Variants in C12orf42 observed in about 807,000 individuals in gnomAD.
The protein encoded by C12orf42 is uncharacterized protein C12orf42.
Under a neutral mutation model 21.6 loss-of-function variants are expected in C12orf42, and 25 were observed. The observed-to-expected ratio is 1.16, with a 90% CI of 0.84 to 1.62. C12orf42 has a LOEUF of 1.62. Among genes scored for constraint, C12orf42 ranks in the 40% most tolerant of loss-of-function variants. The pLI, the probability that C12orf42 is intolerant of heterozygous loss-of-function variation, is 0.00. For synonymous variants in C12orf42, 174 were observed against 175.0 expected (o/e 0.99, Z 0.05); for missense variants, 483 against 459.3 (o/e 1.05, Z -0.47).
the C12orf42 span, among the ~76,000 whole-genome samples, chr12:103,114,088 A>G: frequency 1.8e-4 from 27 of 152,226 alleles, 1 homozygote; most frequent in Admixed American, 4.6e-4. Flanking sequence ...CTAAAAACTA[A>G]CAAACAACCT....
the C12orf42 span, among the ~76,000 whole-genome samples, chr12:103,193,044 C>A: frequency 6.6e-6 from 1 of 152,054 alleles, no homozygotes; most frequent in African/African-American, 2.4e-5. Flanking sequence ...CCATAAGTAT[C>A]TTTCCCAACC....
intron 4 of C12orf42, among the ~76,000 whole-genome samples, chr12:103,294,622 A>AAGAG (rs377621259): frequency 7.2e-6 from 1 of 139,490 alleles, no homozygotes; most frequent in African/African-American, 3.0e-5. Context: ...GAAAGAAAGA[A>AAGAG]AGAAAGAAAG....
At chr12:103,342,019 C>CGA (rs149383344) in intron 4 of C12orf42, among the ~76,000 whole-genome samples, 7 of 150,348 alleles carry the variant, frequency 4.7e-5, no homozygotes, top group South Asian at 2.1e-4. Flanking sequence ...CTAACAGAAT[C>CGA]GAGAGAGAGA....
At chr12:103,171,760 G>A in the C12orf42 span, among the ~76,000 whole-genome samples, 13 of 152,022 alleles carry the variant, frequency 8.6e-5, no homozygotes, top group South Asian at 2.1e-4. Context: ...GCCCACCTAC[G>A]CCTAGGTTTG....
At chr12:103,184,022 G>C in the C12orf42 span, among the ~76,000 whole-genome samples, 1 of 152,098 alleles carries the variant, frequency 6.6e-6, no homozygotes, top group Non-Finnish European at 1.5e-5. Context: ...TAGATGCTTG[G>C]AAAAAGCTGT....
At chr12:103,409,168 CTTTG>C (rs913804762) in intron 2 of C12orf42, among the ~76,000 whole-genome samples, 10 of 152,276 alleles carry the variant, frequency 6.6e-5, no homozygotes, top group South Asian at 4.1e-4. Flanking sequence ...AAAGAAGCAT[CTTTG>C]TTTGTTCCTC....
Position 103,348,351 on chromosome 12 carries a change from T to C in C12orf42, c.259+20536A>G, listed in dbSNP as rs573227893. Among the ~76,000 whole-genome samples the C allele has an allele frequency of 7.2e-5, 11 of 152,320 alleles. No individual in the cohort carries two copies. In the South Asian group the frequency reaches 2.3e-3, roughly 32 times the overall value. Reference sequence around the variant, plus strand: ...CAAGACAAGGAAGATCCTACCTTATTGTGGGAGAAGAACACTAGAAGATGT... The same window carrying C: ...CAAGACAAGGAAGATCCTACCTTATCGTGGGAGAAGAACACTAGAAGATGT... On this transcript the variant is annotated intron_variant, in intron 4 of 5. Coordinates refer to ENST00000548883, the MANE Select transcript of C12orf42 (RefSeq NM_198521.5).
At chr12:103,112,270 A>G in the C12orf42 span, among the ~76,000 whole-genome samples, 1 of 152,184 alleles carries the variant, frequency 6.6e-6, no homozygotes, top group African/African-American at 2.4e-5. Flanking sequence ...GCTTAGGAAA[A>G]TTAGGAATTC....
intron 2 of C12orf42, among the ~76,000 whole-genome samples, chr12:103,430,079 A>G (rs527935199): frequency 6.6e-6 from 1 of 152,360 alleles, no homozygotes; most frequent in South Asian, 2.1e-4. Flanking sequence ...CCTCATGACT[A>G]AAACACTGAA....
the C12orf42 span, among the ~76,000 whole-genome samples, chr12:103,126,133 G>A: frequency 3.9e-5 from 6 of 152,144 alleles, no homozygotes; most frequent in Admixed American, 6.5e-5. Context: ...GTTGTGTCCC[G>A]GCTAGGGTGG....
chr12:103,406,974 C>T (rs949409146), intron 2 of C12orf42, among the ~76,000 whole-genome samples: 2 of 152,150 alleles, frequency 1.3e-5, no homozygotes, highest in African/African-American at 4.8e-5. Context: ...GTAGTTGTGC[C>T]CCGTAATAAC....
intron 2 of C12orf42, among the ~76,000 whole-genome samples, chr12:103,470,851 C>A (rs1454653756): frequency 6.6e-6 from 1 of 152,078 alleles, no homozygotes; most frequent in Non-Finnish European, 1.5e-5. Flanking sequence ...AGCCCAGGTG[C>A]CAAACATGTG....
At chr12:103,151,277 C>T in the C12orf42 span, among the ~76,000 whole-genome samples, 4 of 152,116 alleles carry the variant, frequency 2.6e-5, no homozygotes, top group East Asian at 1.9e-4. Flanking sequence ...CAGATGGCTT[C>T]ACCAATGAAT....
intron 10 of C12orf42, among the ~76,000 whole-genome samples, chr12:103,253,947 G>A (rs556023430): frequency 4.3e-4 from 65 of 152,082 alleles, no homozygotes; most frequent in African/African-American, 1.5e-3. Context: ...TCTGATGACA[G>A]TTTATTTTGT....
the C12orf42 span, among the ~76,000 whole-genome samples, chr12:103,096,585 C>T: frequency 1.7e-3 from 257 of 152,022 alleles, no homozygotes; most frequent in South Asian, 3.3e-3. Context: ...CTTGTGGTCC[C>T]GTATTTATGA....
the C12orf42 span, chr12:103,549,450 C>T: frequency 6.6e-6 from 1 of 152,162 alleles, no homozygotes; most frequent in Non-Finnish European, 1.5e-5. Context: ...GCTTTACATG[C>T]ACTTGTTTGT....
intron 4 of C12orf42, among the ~76,000 whole-genome samples, chr12:103,345,241 TG>T (rs1175393105): frequency 6.6e-6 from 1 of 152,188 alleles, no homozygotes; most frequent in Non-Finnish European, 1.5e-5. Context: ...CTATAATAAC[TG>T]GGAATTATTC....
intron 2 of C12orf42, chr12:103,472,047 A>ATTTTTTTTTTTT (rs33994886): frequency 5.9e-5 from 5 of 84,356 alleles, no homozygotes; most frequent in African/African-American, 1.4e-4. Flanking sequence ...ATACAACTCA[A>ATTTTTTTTTTTT]TTTTTTTTTT....
In C12orf42 at chr12:103,388,308, G is replaced by C. The variant is rs556962792; in HGVS notation, c.147+13299C>G. On this transcript the variant is annotated intron_variant, in intron 3 of 5. Coordinates refer to ENST00000548883, the MANE Select transcript of C12orf42 (RefSeq NM_198521.5). ...TGTAACAGGTCCCAACAGACCTCCA[G>C]ATGGGTGGGGTCAGTGCCTAAACCC... Among the ~76,000 whole-genome samples, 12 of 152,276 alleles carry C rather than the reference G, an allele frequency of 7.9e-5. No individual in the cohort carries two copies. The South Asian group carries it at 2.5e-3, about 32-fold the overall frequency.
Sources: allele counts gnomAD v4.1 joint callset (sites outside exome capture counted in the v4.1 genomes callset), GRCh38; gene constraint gnomAD v4.1.1; transcripts MANE v1.5; gene names NCBI Gene and HGNC (gene_info 2026-07-23, HGNC 2026-07-21).